Variants in GID8 observed in about 807,000 individuals in gnomAD.
The protein encoded by GID8 is GID complex subunit 8 homolog, also known as glucose-induced degradation protein 8 homolog.
GID8 carries 6 observed loss-of-function variants against 27.4 expected under a neutral mutation model. That is an observed-to-expected ratio of 0.22 (90% CI 0.12 to 0.43). The LOEUF (loss-of-function observed/expected upper bound fraction) is 0.43. GID8 is among the 20% of genes least tolerant of loss of function. The pLI is 1.00. For synonymous variants in GID8, 112 were observed against 109.0 expected (o/e 1.03, Z -0.17); for missense variants, 173 against 287.6 (o/e 0.60, Z 2.88).
chr20:62,945,720 TG>T lies in GID8; in HGVS notation c.*810del, dbSNP rs1204179867. On this transcript the variant is annotated 3_prime_UTR_variant, in exon 5 of 5. Coordinates refer to ENST00000266069, the MANE Select transcript of GID8 (RefSeq NM_017896.3). ...GTTCTTCCCCCTGTGATAGCGGCAG[TG>T]GCTTTTTCTGGTACCTGCAGCTGGA... 3.3e-6 allele frequency: 4 copies of T among 1,202,848 alleles called. No individual in the cohort carries two copies. The highest frequency in any genetic ancestry group is 4.2e-6 in the Non-Finnish European group (4 of 943,808). The allele number at this position is 1,202,848 out of a possible 1,614,324, so 74.5% of individuals were successfully genotyped here.
At chr20:62,938,716 G>A (rs745525561) in intron 1 of GID8, 5 of 152,254 alleles carry the variant, frequency 3.3e-5, no homozygotes, top group Non-Finnish European at 5.9e-5. Flanking sequence ...AGTTCTTCCT[G>A]CTAACAGGAC....
intron 1 of GID8, among the ~76,000 whole-genome samples, chr20:62,940,160 C>A (rs1239237184): frequency 1.3e-5 from 2 of 151,916 alleles, no homozygotes; most frequent in African/African-American, 4.8e-5. Context: ...GCCTCTCCTG[C>A]AACTCTCTTT....
chr20:62,946,127 A>C lies in GID8; in HGVS notation c.*1215A>C. The C allele has an allele frequency of 7.1e-6, 6 of 847,026 alleles. No individual in the cohort carries two copies. Among genetic ancestry groups the C allele is most frequent in the Non-Finnish European group, 9.9e-6 (6 of 603,920 alleles). 52.5% of individuals were successfully genotyped at this position (847,026 alleles called of 1,614,324 possible). ...ACTGTTGACCCCACTGAGCAGTGCT[A>C]AGTGTTGGTTTAGTGGATGTTCGTG... On this transcript the variant is annotated 3_prime_UTR_variant, in exon 5 of 5. Coordinates refer to ENST00000266069, the MANE Select transcript of GID8 (RefSeq NM_017896.3).
intron 1 of GID8, 48 bp downstream of exon 1, chr20:62,938,301 G>C (rs2065415355): frequency 6.6e-6 from 1 of 150,486 alleles, no homozygotes; most frequent in African/African-American, 2.4e-5. Context: ...GCGTCTCCCG[G>C]GGCCGGGCCG....
chr20:62,943,745 G>A lies in GID8; in HGVS notation c.513+53G>A. 7.1e-7 allele frequency: 1 copy of A among 1,399,768 alleles called. No homozygotes were observed. Among genetic ancestry groups the A allele is most frequent in the East Asian group, 2.3e-5 (1 of 43,104 alleles). 86.7% of individuals were successfully genotyped at this position (1,399,768 alleles called of 1,614,324 possible). A position where few individuals can be genotyped will look rare whatever the true frequency, so the allele number is the denominator to read the frequency against. ...TCCATTCCCCATGTGCTCTGAGGGGGCTTCGTGACAACGCCAAGTGTGTGG... is the reference window on the plus strand; with the variant it reads ...TCCATTCCCCATGTGCTCTGAGGGGACTTCGTGACAACGCCAAGTGTGTGG... On this transcript the variant is annotated intron_variant, in intron 4 of 4. Coordinates refer to ENST00000266069, the MANE Select transcript of GID8 (RefSeq NM_017896.3). The surrounding 1 kb of genome is among the most constrained non-coding windows in gnomAD (Gnocchi z 4.7).
chr20:62,943,238 TTTGC>T lies in GID8; in HGVS notation c.315+56_315+59del. The stretch of plus-strand genomic sequence containing the variant: ...GTGAATACTTGATAAGTTAAAGTTA[TTTGC>T]AATGATTGAGAAATAACTAGGCTAA... On this transcript the variant is annotated intron_variant, in intron 3 of 4. Transcript: ENST00000266069. This position sits in a 1 kb window ranked among gnomAD's most constrained non-coding sequence, Gnocchi z 4.7. 1 of 1,295,524 alleles carries T rather than the reference TTTGC, an allele frequency of 7.7e-7. No individual in the cohort carries two copies. The highest frequency in any genetic ancestry group is 1.1e-6 in the Non-Finnish European group (1 of 919,450). The allele number at this position is 1,295,524 out of a possible 1,614,324, so 80.3% of individuals were successfully genotyped here.
intron 4 of GID8, among the ~76,000 whole-genome samples, chr20:62,944,221 T>C (rs920057307): frequency 1.3e-5 from 2 of 152,200 alleles, no homozygotes; most frequent in Non-Finnish European, 2.9e-5. Flanking sequence ...GTGTCTTATA[T>C]TTATCTGAAC....
In GID8 at chr20:62,939,463, T is replaced by A. The variant is rs1048116035; in HGVS notation, c.-13+1210T>A. Among the ~76,000 whole-genome samples the A allele has an allele frequency of 2.0e-5, 3 of 146,574 alleles. No homozygotes were observed. In the South Asian group the frequency reaches 7.1e-4, roughly 35 times the overall value. ...TTTCACTAATTCATGTTTTCAGCTC[T>A]GAGCTCAGGATCTGTAATTCAGACA... On this transcript the variant is annotated intron_variant, in intron 1 of 4. Coordinates refer to ENST00000266069, the MANE Select transcript of GID8 (RefSeq NM_017896.3).
intron 1 of GID8, among the ~76,000 whole-genome samples, chr20:62,939,161 T>C (rs2065425188): frequency 1.3e-5 from 2 of 152,046 alleles, no homozygotes; most frequent in African/African-American, 4.8e-5. Flanking sequence ...TTACCATTAA[T>C]TGTCGTGAAT....
Position 62,943,705 on chromosome 20 carries a change from AG to A in GID8, c.513+14del, listed in dbSNP as rs752850624. 4.1e-5 allele frequency: 65 copies of A among 1,604,356 alleles called. No homozygotes were observed. The highest frequency in any genetic ancestry group is 5.5e-5 in the Non-Finnish European group (64 of 1,171,828). ...GCAGAGGCAGAAGGTGGGGCCTGCC[AG>A]AGGGAAGCTTTCTTCCATTCCCCAT... On this transcript the variant is annotated intron_variant, in intron 4 of 4. Transcript: ENST00000266069. The surrounding 1 kb of genome is among the most constrained non-coding windows in gnomAD (Gnocchi z 4.7).
Position 62,946,413 on chromosome 20 carries a change from CG to C in GID8, c.*1502del, listed in dbSNP as rs1399262192. On this transcript the variant is annotated 3_prime_UTR_variant, in exon 5 of 5. Transcript: ENST00000266069. The stretch of plus-strand genomic sequence containing the variant: ...CAGGAGGCGTCCACAGCATTGTTCT[CG>C]CCTCTGAATGATGCTTCTTTCTGTG... The C allele has an allele frequency of 1.7e-5, 3 of 173,642 alleles. No individual in the cohort carries two copies. The East Asian group carries it at 5.2e-4, about 30-fold the overall frequency. The allele number at this position is 173,642 out of a possible 1,614,324, so 10.8% of individuals were successfully genotyped here.
At position 62,944,672 on chromosome 20, in the gene GID8, C is replaced by G. The variant is rs1185055661; in HGVS notation, c.514-67C>G. ...AGCTTAATGTTTGTTTAAACTGCCTCTTTTTAATAGACTCTGCTGGTGCTC... is the reference window on the plus strand; with the variant it reads ...AGCTTAATGTTTGTTTAAACTGCCTGTTTTTAATAGACTCTGCTGGTGCTC... On this transcript the variant is annotated intron_variant, in intron 4 of 4. Coordinates refer to ENST00000266069, the MANE Select transcript of GID8 (RefSeq NM_017896.3). The G allele has an allele frequency of 7.0e-6, 8 of 1,139,512 alleles. No homozygotes were observed. In the Admixed American group the frequency reaches 1.1e-4, roughly 15 times the overall value. 70.6% of individuals were successfully genotyped at this position (1,139,512 alleles called of 1,614,324 possible).
rs1339451527 is a variant in GID8, at chr20:62,945,667, A to T, written c.*755A>T. ...AAATGGCCTCTAAAAGATGTTAATC[A>T]TCTCAAATGACCTTTTGTCTTTGGG... On this transcript the variant is annotated 3_prime_UTR_variant, in exon 5 of 5. Transcript: ENST00000266069. The T allele has an allele frequency of 1.7e-6, 2 of 1,180,058 alleles. No individual in the cohort carries two copies. Among genetic ancestry groups the T allele is most frequent in the Non-Finnish European group, 2.1e-6 (2 of 935,922 alleles). 73.1% of individuals were successfully genotyped at this position (1,180,058 alleles called of 1,614,324 possible). A position where few individuals can be genotyped will look rare whatever the true frequency, so the allele number is the denominator to read the frequency against.
chr20:62,945,287 G>A lies in GID8; in HGVS notation c.*375G>A. 2 of 1,010,730 alleles carry A rather than the reference G, an allele frequency of 2.0e-6. No homozygotes were observed. Among genetic ancestry groups the A allele is most frequent in the Non-Finnish European group, 2.4e-6 (2 of 845,538 alleles). The allele number at this position is 1,010,730 out of a possible 1,614,324, so 62.6% of individuals were successfully genotyped here. ...CAGGAAAAGCACGAATCATGATTCTGCTTTCTGTTAGCTTAGGCAGACATT... is the reference window on the plus strand; with the variant it reads ...CAGGAAAAGCACGAATCATGATTCTACTTTCTGTTAGCTTAGGCAGACATT... On this transcript the variant is annotated 3_prime_UTR_variant, in exon 5 of 5. Transcript: ENST00000266069.
Position 62,945,947 on chromosome 20 carries a change from G to A in GID8, c.*1035G>A. 7.8e-7 allele frequency: 1 copy of A among 1,289,482 alleles called. No homozygotes were observed. The highest frequency in any genetic ancestry group is 1.0e-6 in the Non-Finnish European group (1 of 988,878). 79.9% of individuals were successfully genotyped at this position (1,289,482 alleles called of 1,614,324 possible). On this transcript the variant is annotated 3_prime_UTR_variant, in exon 5 of 5. Transcript: ENST00000266069. ...CTGGCTCTGCCGATGTCCTGCTTCT[G>A]TTCACTCACAGAACTGTCCCCTGCT...
Position 62,943,041 on chromosome 20 carries a change from G to C in GID8, c.173G>C (p.Ser58Thr). ...CGAATGGAATCTGGAATCGAACCTA[G>C]TGTGGATCTGGAAACACTTGATGAA... Reference protein sequence around the residue: ...KFRMESGIEPSVDLETLDERI... With the variant: ...KFRMESGIEPTVDLETLDERI... Residue 58 changes from serine to threonine, a missense_variant, in exon 3 of 5, where the codon AGT becomes ACT. Physicochemically the swap from Ser to Thr is moderately conservative, Grantham distance 58. Coordinates refer to ENST00000266069, the MANE Select transcript of GID8 (RefSeq NM_017896.3). This position sits in a 1 kb window ranked among gnomAD's most constrained non-coding sequence, Gnocchi z 4.7. 1 of 1,614,126 alleles carries C rather than the reference G, an allele frequency of 6.2e-7. No individual in the cohort carries two copies. The highest frequency in any genetic ancestry group is 1.1e-5 in the South Asian group (1 of 91,088).
chr20:62,942,575 G>A (rs2065448280), intron 2 of GID8, among the ~76,000 whole-genome samples: 1 of 152,218 alleles, frequency 6.6e-6, no homozygotes, highest in Non-Finnish European at 1.5e-5. Flanking sequence ...GGAGTCAACA[G>A]GCCACTGCAG....
intron 1 of GID8, among the ~76,000 whole-genome samples, chr20:62,939,741 C>T (rs759274580): frequency 2.0e-5 from 3 of 152,232 alleles, no homozygotes; most frequent in African/African-American, 7.2e-5. Context: ...TGTTCTCTCT[C>T]GCTTGGGTGT....
At position 62,938,171 on chromosome 20, in the gene GID8, G is replaced by C. The variant is rs8120151; in HGVS notation, c.-95G>C. On this transcript the variant is annotated 5_prime_UTR_variant, in exon 1 of 5. Transcript: ENST00000266069. ...CCTCCTTCTACTCGGGCGCCCCGGC[G>C]GCCGCCACCTCTCCCCAGCCCAGGA... 0.38 allele frequency: 88,615 copies of C among 235,378 alleles called. 19,298 individuals are homozygous for C. The highest frequency in any genetic ancestry group is 0.66 in the African/African-American group (28,967 of 43,962). 14.6% of individuals were successfully genotyped at this position (235,378 alleles called of 1,614,324 possible).
Sources: gnomAD v4.1 joint callset for allele counts (sites outside exome capture counted in the v4.1 genomes callset) on GRCh38, gnomAD v4.1.1 for gene constraint, Gnocchi (gnomAD v3.1) non-coding constraint, MANE v1.5 for transcripts, NCBI Gene and HGNC (gene_info 2026-07-23, HGNC 2026-07-21) for gene names.